The following NBAS variants were observed in gnomAD, a reference collection of about 807,000 sequenced individuals.
NBAS encodes NBAS subunit of NRZ tethering complex, also known as NAG/BC035112 fusion.
In NBAS, 219 loss-of-function variants were observed where a neutral mutation model predicts 302.5. The observed-to-expected ratio is 0.72, with a 90% CI of 0.65 to 0.81. The LOEUF is 0.81. NBAS is among the 30% of genes least tolerant of loss of function. The probability of loss-of-function intolerance (pLI) is 0.00; values close to 1 mark genes in which losing one functional copy is unlikely to be tolerated. For missense variants in NBAS, 2,932 were observed against 2,841.6 expected (o/e 1.03, Z -0.72); for synonymous variants, 1,118 against 1,021.6 (o/e 1.09, Z -1.80).
rs373742488 is a variant in NBAS, at chr2:15,474,051, T to C, written c.1599+16A>G. ...TGATGACTTCAAACTTGGGTAGTAA[T>C]ATGCTACTCTCTCACCTTCCTCTGA... On this transcript the variant is annotated intron_variant, in intron 15 of 51. Coordinates refer to ENST00000281513, the MANE Select transcript of NBAS (RefSeq NM_015909.4). 8.1e-6 allele frequency: 13 copies of C among 1,614,030 alleles called. No individual in the cohort carries two copies. Among genetic ancestry groups the C allele is most frequent in the Middle Eastern group, 1.6e-4 (1 of 6,084 alleles).
the NBAS span, among the ~76,000 whole-genome samples, chr2:15,077,477 G>T: frequency 6.6e-6 from 1 of 152,170 alleles, no homozygotes; most frequent in Non-Finnish European, 1.5e-5. Context: ...TGGGCACTGA[G>T]AATAGAGTGA....
At chr2:15,054,160 A>G in the NBAS span, among the ~76,000 whole-genome samples, 20 of 152,136 alleles carry the variant, frequency 1.3e-4, no homozygotes, top group African/African-American at 4.8e-4. Flanking sequence ...ACTCTGTGCT[A>G]AGCTCTTCAC....
At chr2:15,285,654 C>A (rs773437836) in intron 42 of NBAS, among the ~76,000 whole-genome samples, 3 of 152,054 alleles carry the variant, frequency 2.0e-5, no homozygotes, top group Admixed American at 6.5e-5. Context: ...CCTTGTCTTC[C>A]TATTTTTTCT....
In NBAS at chr2:15,167,046, C is replaced by T. The variant is rs750269471; in HGVS notation, c.*2G>A. ...GCTAAGGAGCAGGGCCACAGGTGGC[C>T]CTCACACCCAGTGCTGTGCTGCGCG... On this transcript the variant is annotated 3_prime_UTR_variant, in exon 52 of 52. Transcript: ENST00000281513. The T allele has an allele frequency of 2.6e-6, 4 of 1,543,216 alleles. No individual in the cohort carries two copies. The highest frequency in any genetic ancestry group is 3.5e-6 in the Non-Finnish European group (4 of 1,143,570).
chr2:15,086,469 C>T, the NBAS span, among the ~76,000 whole-genome samples: 1 of 152,212 alleles, frequency 6.6e-6, no homozygotes, highest in Non-Finnish European at 1.5e-5. Flanking sequence ...GCTAAAAGAG[C>T]TATAACACAA....
chr2:14,888,446 C>T, the NBAS span, among the ~76,000 whole-genome samples: 24 of 149,036 alleles, frequency 1.6e-4, no homozygotes, highest in South Asian at 3.6e-3. Flanking sequence ...CCACGGCACC[C>T]GGCCCCCCCT....
chr2:15,367,321 G>C (rs1205633562), intron 31 of NBAS, among the ~76,000 whole-genome samples: 1 of 151,896 alleles, frequency 6.6e-6, no homozygotes, highest in East Asian at 1.9e-4. Flanking sequence ...TATATTCTAG[G>C]AACAAATGGT....
intron 9 of NBAS, among the ~76,000 whole-genome samples, chr2:15,515,608 G>A (rs752266787): frequency 1.3e-5 from 2 of 152,152 alleles, no homozygotes; most frequent in Non-Finnish European, 2.9e-5. Flanking sequence ...CAATGTTGAC[G>A]AGAACTAATC....
chr2:14,916,526 C>T, the NBAS span, among the ~76,000 whole-genome samples: 3 of 152,076 alleles, frequency 2.0e-5, no homozygotes, highest in South Asian at 2.1e-4. Flanking sequence ...AGTTATATCC[C>T]GCTGACAGTC....
At chr2:15,472,780 TG>T (rs1456550460) in intron 16 of NBAS, among the ~76,000 whole-genome samples, 3 of 152,230 alleles carry the variant, frequency 2.0e-5, no homozygotes, top group Admixed American at 1.3e-4. Context: ...ATTCCCTTCA[TG>T]GATATGTCCC....
chr2:15,126,804 T>C, the NBAS span, among the ~76,000 whole-genome samples: 24 of 152,314 alleles, frequency 1.6e-4, no homozygotes, highest in South Asian at 4.1e-3. Flanking sequence ...CTAGATATCA[T>C]ACACTCTGCT....
rs138363928 is a variant in NBAS at position 15,447,982 on chromosome 2, C to T, written c.2339+13219G>A. On this transcript the variant is annotated intron_variant, in intron 21 of 51. Coordinates refer to ENST00000281513, the MANE Select transcript of NBAS (RefSeq NM_015909.4). ...CCTCAGAGGGGACGAAGGCTGTGTCCTCACATGGTGAAAGGAACAAAATGG... is the reference window on the plus strand; with the variant it reads ...CCTCAGAGGGGACGAAGGCTGTGTCTTCACATGGTGAAAGGAACAAAATGG... Among the ~76,000 whole-genome samples, 187 of 152,256 alleles carry T rather than the reference C, an allele frequency of 1.2e-3. 1 individual carries two copies. Among genetic ancestry groups the T allele is most frequent in the Admixed American group, 5.3e-3 (81 of 15,296 alleles).
the NBAS span, among the ~76,000 whole-genome samples, chr2:14,977,611 C>A: frequency 2.6e-5 from 4 of 152,186 alleles, no homozygotes; most frequent in Non-Finnish European, 5.9e-5. Flanking sequence ...CCTGCCATAA[C>A]CAAGGGTTCA....
the NBAS span, among the ~76,000 whole-genome samples, chr2:14,931,575 C>A: frequency 6.6e-6 from 1 of 152,176 alleles, no homozygotes; most frequent in African/African-American, 2.4e-5. Flanking sequence ...CAGTTTTCCC[C>A]AGTGTATCCA....
rs913270719 is a variant in NBAS at position 15,468,530 on chromosome 2, T to C, written c.1729A>G (p.Lys577Glu). ...NVASIQNYLS[K>E]IKKRSWVLHE... is the part of the protein sequence containing the mutation. Reference sequence around the variant, plus strand: ...AGAACCCAGGATCGCTTCTTTATTTTACTCTGCATATAAAGGAAGAAACAG... The same window carrying C: ...AGAACCCAGGATCGCTTCTTTATTTCACTCTGCATATAAAGGAAGAAACAG... The change falls in exon 17 of 52, where the codon AAA becomes GAA. Residue 577 changes from lysine to glutamate, a missense_variant. Transcript: ENST00000281513. 1.9e-6 allele frequency: 3 copies of C among 1,613,848 alleles called. No homozygotes were observed. Among genetic ancestry groups the C allele is most frequent in the Admixed American group, 1.7e-5 (1 of 60,012 alleles).
intron 15 of NBAS, 127 bp downstream of exon 15, chr2:15,473,940 A>T: frequency 8.7e-7 from 1 of 1,155,978 alleles, no homozygotes; most frequent in South Asian, 1.4e-5. Context: ...TAGAACTGAT[A>T]TTTTTAACAT....
intron 49 of NBAS, among the ~76,000 whole-genome samples, 167 bp from the exon 50 acceptor site, chr2:15,187,047 A>C (rs1410627650): frequency 2.6e-5 from 4 of 152,152 alleles, no homozygotes; most frequent in Non-Finnish European, 5.9e-5. Flanking sequence ...AAGGAGAAAA[A>C]GCAGCTTCCT....
chr2:15,559,544 C>T (rs1378220730), intron 1 of NBAS, among the ~76,000 whole-genome samples: 1 of 152,082 alleles, frequency 6.6e-6, no homozygotes, highest in African/African-American at 2.4e-5. Context: ...TTAAAAAACA[C>T]AGAAAAGTTA....
At chr2:15,502,977 T>C (rs1661651502) in intron 11 of NBAS, among the ~76,000 whole-genome samples, 1 of 152,262 alleles carries the variant, frequency 6.6e-6, no homozygotes, top group African/African-American at 2.4e-5. Flanking sequence ...TACATTCTTG[T>C]TCTACAAACT....
Sources: gnomAD v4.1 joint callset for allele counts (sites outside exome capture counted in the v4.1 genomes callset) on GRCh38, gnomAD v4.1.1 for gene constraint, MANE v1.5 for transcripts, NCBI Gene and HGNC (gene_info 2026-07-23, HGNC 2026-07-21) for gene names.